PPFIA3: variants seen among roughly 807,000 people sequenced by gnomAD.
PPFIA3 encodes PPFI scaffold protein A3.
Under a neutral mutation model 145.8 loss-of-function variants are expected in PPFIA3, and 26 were observed. That is an observed-to-expected ratio of 0.18 (90% CI 0.13 to 0.25). The LOEUF (loss-of-function observed/expected upper bound fraction) is 0.25. PPFIA3 is among the 10% of genes least tolerant of loss of function. The probability of loss-of-function intolerance (pLI) is 1.00; values close to 1 mark genes in which losing one functional copy is unlikely to be tolerated. For missense variants in PPFIA3, 1,008 were observed against 1,587.8 expected, an observed-to-expected ratio of 0.63 and a Z score of 6.21; for synonymous variants, 645 against 661.4, an observed-to-expected ratio of 0.98 and a Z score of 0.38.
rs1215301618 is a variant in PPFIA3, at chr19:49,142,947, C to A, written c.2688C>A (p.Leu896=). The part of the protein sequence containing the change: ...SNPLHRLKLR[L]AIQEMVSLTS... ...CGCTGCACCGACTCAAGCTACGCCT[C>A]GCCATCCAGGAGATGGTCTCGCTCA... The change falls in exon 21 of 30, where the codon CTC becomes CTA. Residue 896 remains leucine, a synonymous_variant. Coordinates refer to ENST00000334186, the MANE Select transcript of PPFIA3 (RefSeq NM_003660.4). 1.9e-6 allele frequency: 3 copies of A among 1,613,370 alleles called. No individual in the cohort carries two copies. The highest frequency in any genetic ancestry group is 2.2e-5 in the East Asian group (1 of 44,856).
chr19:49,130,599 G>T lies in PPFIA3; in HGVS notation c.879G>T (p.Glu293Asp). The T allele has an allele frequency of 6.4e-7, 1 of 1,551,392 alleles. No individual in the cohort carries two copies. Among genetic ancestry groups the T allele is most frequent in the Non-Finnish European group, 8.7e-7 (1 of 1,148,074 alleles). The change falls in exon 7 of 30, where the codon GAG (glutamate) becomes GAT (aspartate). Residue 293 changes from glutamate (E) to aspartate (D), a missense_variant and splice_region_variant. By Grantham distance (45) the Glu-to-Asp change is conservative. This residue lies in a region of PPFIA3 where 109 missense variants were observed against 198.1 expected (regional missense o/e 0.55). Transcript: ENST00000334186. This position sits in a 1 kb window ranked among gnomAD's most constrained non-coding sequence, Gnocchi z 4.5. ...CCAAGCTGCAGCGCGACCTCAAGGA[G>T]GTGAGGCCCCCAGGGAGGCGGGCTG... is the stretch of plus-strand genomic sequence containing the variant. ...ANSKLQRDLK[E>D]ALAQREDMEE...
chr19:49,146,407 A>G, intron 23 of PPFIA3: 1 of 618,870 alleles, frequency 1.6e-6, no homozygotes. Flanking sequence ...TTGCATAGTC[A>G]GCCTTATGCA....
In PPFIA3 at chr19:49,150,431, G is replaced by C. The variant is rs971526245; in HGVS notation, c.*209G>C. 3.1e-5 allele frequency: 10 copies of C among 326,786 alleles called. No individual in the cohort carries two copies. The highest frequency in any genetic ancestry group is 1.9e-4 in the Admixed American group (4 of 21,014). The allele number at this position is 326,786 out of a possible 1,614,324, so 20.2% of individuals were successfully genotyped here. A position where few individuals can be genotyped will look rare whatever the true frequency, so the allele number is the denominator to read the frequency against. On this transcript the variant is annotated 3_prime_UTR_variant, in exon 30 of 30. Coordinates refer to ENST00000334186, the MANE Select transcript of PPFIA3 (RefSeq NM_003660.4). ...CCAAACCACATGAACTGGACTGAGA[G>C]GGGGAAGAAGCGGGGAGGAAGAAAT...
intron 15 of PPFIA3, 99 bp downstream of exon 15, chr19:49,137,010 T>C: frequency 8.7e-7 from 1 of 1,155,544 alleles, no homozygotes; most frequent in South Asian, 1.8e-5. Flanking sequence ...CGTCTCCTCT[T>C]ACACCATCCA....
In PPFIA3 at chr19:49,130,077, G is replaced by A; in HGVS notation, c.657+10G>A. 6.2e-7 allele frequency: 1 copy of A among 1,607,038 alleles called. No homozygotes were observed. The highest frequency in any genetic ancestry group is 8.5e-7 in the Non-Finnish European group (1 of 1,177,374). On this transcript the variant is annotated intron_variant, in intron 6 of 29. Transcript: ENST00000334186. The surrounding 1 kb of genome is among the most constrained non-coding windows in gnomAD (Gnocchi z 4.5). ...GGATGGGGATGGGCAGGTGAGACATGGAAGTCCCCTCTCCGTGAGCTCCAT... is the reference window on the plus strand; with the variant it reads ...GGATGGGGATGGGCAGGTGAGACATAGAAGTCCCCTCTCCGTGAGCTCCAT...
chr19:49,127,017 G>GCACAGA (rs1292064040), intron 1 of PPFIA3, among the ~76,000 whole-genome samples: 2 of 148,606 alleles, frequency 1.3e-5, no homozygotes, highest in Non-Finnish European at 3.0e-5. Context: ...CAGGCACAGT[G>GCACAGA]GCATACTTTG....
At position 49,130,561 on chromosome 19, in the gene PPFIA3, G is replaced by C. The variant is rs1295890111; in HGVS notation, c.841G>C (p.Glu281Gln). 2 of 1,567,328 alleles carry C rather than the reference G, an allele frequency of 1.3e-6. No homozygotes were observed. The highest frequency in any genetic ancestry group is 2.3e-5 in the South Asian group (2 of 85,516). The change falls in exon 7 of 30, where the codon GAG (glutamate) becomes CAG (glutamine). Residue 281 changes from glutamate (E) to glutamine (Q), a missense_variant. Physicochemically the swap from Glu to Gln is conservative, Grantham distance 29. Transcript: ENST00000334186. This position sits in a 1 kb window ranked among gnomAD's most constrained non-coding sequence, Gnocchi z 4.5. ...CGCGCACCGTGAGCTGGGCAAGGCAGAGGAAGCCAACTCCAAGCTGCAGCG... is the reference window on the plus strand; with the variant it reads ...CGCGCACCGTGAGCTGGGCAAGGCACAGGAAGCCAACTCCAAGCTGCAGCG... The part of the protein sequence containing the change: ...GTAHRELGKA[E>Q]EANSKLQRDL...
rs749673361 is a variant in PPFIA3, at chr19:49,138,304, C to T, written c.1953C>T (p.Ser651=). 5.6e-6 allele frequency: 9 copies of T among 1,613,194 alleles called. No homozygotes were observed. Among genetic ancestry groups the T allele is most frequent in the Non-Finnish European group, 7.6e-6 (9 of 1,179,716 alleles). ...TGGACTCGTTGGGCCGCTACCGCAG[C>T]AGCTGCTCCCTGCCCCCCTCCCTCA... ...SGLDSLGRYR[S]SCSLPPSLTT... The change falls in exon 16 of 30, where the codon AGC becomes AGT. Residue 651 remains serine (S), a synonymous_variant. Coordinates refer to ENST00000334186, the MANE Select transcript of PPFIA3 (RefSeq NM_003660.4).
chr19:49,136,067 C>T (rs2041133905), intron 14 of PPFIA3, 144 bp downstream of exon 14: 1 of 1,018,760 alleles, frequency 9.8e-7, no homozygotes, highest in South Asian at 2.4e-5. Flanking sequence ...TTTCTTCTCT[C>T]CTTCCCTGCA....
intron 1 of PPFIA3, among the ~76,000 whole-genome samples, chr19:49,122,738 G>A (rs1442927143): frequency 6.6e-4 from 94 of 142,494 alleles, no homozygotes; most frequent in Non-Finnish European, 4.1e-4. Context: ...TTTTTTTGGC[G>A]GGGGATGGAG....
In PPFIA3 at chr19:49,150,081, C is replaced by A. The variant is rs747944339; in HGVS notation, c.3528C>A (p.Gly1176=). 3 of 1,609,130 alleles carry A rather than the reference C, an allele frequency of 1.9e-6. No individual in the cohort carries two copies. Residue 1176 remains glycine, a splice_region_variant and synonymous_variant, in exon 29 of 30, where the codon GGC becomes GGA. Coordinates refer to ENST00000334186, the MANE Select transcript of PPFIA3 (RefSeq NM_003660.4). ...AACCGCTGCTCGCTCTCCCTCCAGG[C>A]CAGACTTCTGGGAGTTCCCGGGCAG... ...GLPLRKLQPE[G]QTSGSSRADG... is the part of the protein sequence containing the mutation.
chr19:49,122,889 T>C (rs2040954171), intron 1 of PPFIA3, among the ~76,000 whole-genome samples: 3 of 150,872 alleles, frequency 2.0e-5, no homozygotes, highest in African/African-American at 7.3e-5. Flanking sequence ...GCCCGGCTAA[T>C]ATTTTGTATT....
intron 1 of PPFIA3, among the ~76,000 whole-genome samples, chr19:49,127,474 C>T (rs1463820712): frequency 2.7e-5 from 4 of 150,808 alleles, no homozygotes; most frequent in Admixed American, 6.6e-5. Flanking sequence ...TGGTGTGTGC[C>T]TGTAGTCGCA....
intron 1 of PPFIA3, among the ~76,000 whole-genome samples, chr19:49,122,876 C>T (rs1568432405): frequency 6.6e-6 from 1 of 151,798 alleles, no homozygotes; most frequent in Non-Finnish European, 1.5e-5. Context: ...CGCCCACCAC[C>T]ACGCCCGGCT....
chr19:49,126,575 T>C (rs529008802), intron 1 of PPFIA3, among the ~76,000 whole-genome samples: 2 of 151,238 alleles, frequency 1.3e-5, no homozygotes, highest in East Asian at 3.9e-4. Flanking sequence ...TTTTTTTTTT[T>C]TTTTTCTTTT....
intron 21 of PPFIA3, among the ~76,000 whole-genome samples, chr19:49,143,748 C>G (rs1367835280): frequency 6.6e-6 from 1 of 152,158 alleles, no homozygotes; most frequent in East Asian, 1.9e-4. Flanking sequence ...GATTCTCAAA[C>G]TTTTGCTGTA....
chr19:49,137,643 A>AAAAAAAAAAAAAAAAAAAAAAAC, intron 15 of PPFIA3, among the ~76,000 whole-genome samples: 1 of 149,478 alleles, frequency 6.7e-6, no homozygotes, highest in Non-Finnish European at 1.5e-5. Flanking sequence ...AAAAAAAAAA[A>AAAAAAAAAAAAAAAAAAAAAAAC]AAAAAAAAAA....
intron 1 of PPFIA3, among the ~76,000 whole-genome samples, chr19:49,124,315 TC>T (rs1204894130): frequency 1.3e-5 from 2 of 152,104 alleles, no homozygotes; most frequent in Admixed American, 6.6e-5. Flanking sequence ...CACCTTGGCC[TC>T]CCATAGTGCT....
chr19:49,136,171 C>T (rs1187290865), intron 14 of PPFIA3, among the ~76,000 whole-genome samples: 2 of 152,106 alleles, frequency 1.3e-5, no homozygotes, highest in South Asian at 2.1e-4. Context: ...TGTAGAATCC[C>T]AGAGTAGGTG....
Sources: allele counts gnomAD v4.1 joint callset (sites outside exome capture counted in the v4.1 genomes callset), GRCh38; gene constraint gnomAD v4.1.1; regional missense constraint gnomAD v4.1.1; non-coding constraint Gnocchi (gnomAD v3.1); transcripts MANE v1.5; gene names NCBI Gene and HGNC (gene_info 2026-07-23, HGNC 2026-07-21).